The following PATJ variants were observed in gnomAD, a reference collection of about 807,000 sequenced individuals.
The protein encoded by PATJ is PATJ crumbs cell polarity complex component.
PATJ carries 190 observed loss-of-function variants against 224.9 expected under a neutral mutation model. The observed-to-expected ratio is 0.84, with a 90% confidence interval of 0.75 to 0.95. The LOEUF (loss-of-function observed/expected upper bound fraction) is 0.95, where lower values mean the gene tolerates loss of function less well. Ranked by LOEUF, PATJ falls within the 40% of genes least tolerant of loss-of-function variation. The pLI is 0.00. For synonymous variants in PATJ, 769 were observed against 820.3 expected, an observed-to-expected ratio of 0.94 and a Z score of 1.07; for missense variants, 2,121 against 2,270.3, an observed-to-expected ratio of 0.93 and a Z score of 1.34.
At chr1:61,816,980 G>A (rs577809053) in intron 14 of PATJ, among the ~76,000 whole-genome samples, 46 of 152,254 alleles carry the variant, frequency 3.0e-4, no homozygotes, top group Middle Eastern at 6.8e-3. Context: ...GCCTCACTCC[G>A]TAGAGAATTA....
At chr1:61,843,899 A>G (rs1377079484) in intron 17 of PATJ, among the ~76,000 whole-genome samples, 1 of 118,918 alleles carries the variant, frequency 8.4e-6, no homozygotes, top group African/African-American at 2.7e-5. Flanking sequence ...ACGAGCCAGT[A>G]TGGAGACTAT....
intron 31 of PATJ, among the ~76,000 whole-genome samples, chr1:62,057,526 G>A (rs567739439): frequency 1.2e-3 from 186 of 152,298 alleles, no homozygotes; most frequent in African/African-American, 4.1e-3. Flanking sequence ...TGATGCCCTG[G>A]TTGAGAGTTG....
chr1:61,861,160 T>C lies in PATJ; in HGVS notation c.2323-391T>C, dbSNP rs1403716259. On this transcript the variant is annotated intron_variant, in intron 18 of 43. Coordinates refer to ENST00000642238, the MANE Select transcript of PATJ (RefSeq NM_001350145.3). ...GGAAGCTCTGACCTGAATATGGAGT[T>C]CTTTTTAGTTATTAAAGAAAGTTTG... 2.0e-5 allele frequency among the ~76,000 whole-genome samples: 3 copies of C among 151,542 alleles called. No individual in the cohort carries two copies. In the East Asian group the frequency reaches 5.8e-4, roughly 29 times the overall value.
chr1:61,978,516 C>T (rs1423873120), intron 27 of PATJ, among the ~76,000 whole-genome samples: 4 of 151,974 alleles, frequency 2.6e-5, no homozygotes, highest in Admixed American at 6.6e-5. Context: ...CTGCCCGCCT[C>T]GGCCTCCCAA....
intron 12 of PATJ, among the ~76,000 whole-genome samples, chr1:61,803,353 A>C (rs1652928930): frequency 6.6e-6 from 1 of 152,070 alleles, no homozygotes; most frequent in African/African-American, 2.4e-5. Flanking sequence ...TACAATTTGC[A>C]CTCAACTTTT....
chr1:61,912,561 A>T (rs1468892411), intron 25 of PATJ, among the ~76,000 whole-genome samples: 4 of 151,212 alleles, frequency 2.6e-5, no homozygotes, highest in Non-Finnish European at 4.4e-5. Context: ...TGCAGTGGCC[A>T]CTGCACTCCA....
intron 33 of PATJ, among the ~76,000 whole-genome samples, chr1:62,102,945 C>G (rs1294645427): frequency 6.7e-6 from 1 of 150,058 alleles, no homozygotes. Flanking sequence ...ATCATGCTTT[C>G]TGTAGTGCAA....
At chr1:62,152,350 G>C (rs190287876) in intron 42 of PATJ, among the ~76,000 whole-genome samples, 1 of 144,368 alleles carries the variant, frequency 6.9e-6, no homozygotes, top group Non-Finnish European at 1.6e-5. Context: ...TGGCCAGGGC[G>C]TTCCGGCAGA....
intron 5 of PATJ, among the ~76,000 whole-genome samples, chr1:61,770,396 A>G (rs941441152): frequency 3.9e-5 from 6 of 152,162 alleles, no homozygotes; most frequent in African/African-American, 1.4e-4. Flanking sequence ...GTGCTTCAGA[A>G]TCTGACTCCT....
intron 27 of PATJ, among the ~76,000 whole-genome samples, chr1:61,988,897 G>T (rs920828524): frequency 6.6e-6 from 1 of 152,216 alleles, no homozygotes; most frequent in African/African-American, 2.4e-5. Flanking sequence ...GACAGCAAAT[G>T]TAATATAAGT....
intron 27 of PATJ, among the ~76,000 whole-genome samples, chr1:61,951,575 A>T (rs1679688941): frequency 6.6e-6 from 1 of 152,120 alleles, no homozygotes; most frequent in South Asian, 2.1e-4. Context: ...GCACTGTAGC[A>T]CTTTGAGTGA....
intron 10 of PATJ, among the ~76,000 whole-genome samples, chr1:61,795,949 A>C (rs181625811): frequency 6.6e-6 from 1 of 152,212 alleles, no homozygotes; most frequent in Non-Finnish European, 1.5e-5. Context: ...TCTGTTAACA[A>C]TAATTATAAG....
chr1:61,940,349 T>A (rs1677614552), intron 27 of PATJ, among the ~76,000 whole-genome samples: 1 of 152,154 alleles, frequency 6.6e-6, no homozygotes, highest in African/African-American at 2.4e-5. Context: ...CTAGCAGAAG[T>A]GCTAGCTACT....
chr1:62,160,479 T>A (rs1001136852), intron 43 of PATJ, among the ~76,000 whole-genome samples: 27 of 152,212 alleles, frequency 1.8e-4, no homozygotes, highest in South Asian at 1.2e-3. Flanking sequence ...ACAGTGCTGA[T>A]AGCTTAATAA....
intron 6 of PATJ, 103 bp from the exon 7 acceptor site, chr1:61,775,103 T>G: frequency 8.3e-7 from 1 of 1,206,584 alleles, no homozygotes; most frequent in Non-Finnish European, 1.1e-6. Flanking sequence ...GCATGAATGT[T>G]CAATTTGTTG....
rs1024487528 is a variant in PATJ, at chr1:62,018,922, C to T, written c.3959+975C>T. 6.6e-6 allele frequency among the ~76,000 whole-genome samples: 1 copy of T among 152,090 alleles called. No individual in the cohort carries two copies. The highest frequency in any genetic ancestry group is 2.4e-5 in the African/African-American group (1 of 41,424). ...GGGCACTAACGTGATTGAAATATCC[C>T]TTCCCACTTCTACTTTGCTCCTGAA... On this transcript the variant is annotated intron_variant, in intron 29 of 43. Transcript: ENST00000642238. This position sits in a 1 kb window ranked among gnomAD's most constrained non-coding sequence, Gnocchi z 4.2.
chr1:61,935,958 A>G (rs1676800037), intron 27 of PATJ, among the ~76,000 whole-genome samples: 1 of 152,140 alleles, frequency 6.6e-6, no homozygotes, highest in Admixed American at 6.6e-5. Flanking sequence ...CAATTCTGTT[A>G]CTCAGAGTCA....
At chr1:62,155,692 T>TTA (rs371663591) in intron 43 of PATJ, among the ~76,000 whole-genome samples, 1 of 140,628 alleles carries the variant, frequency 7.1e-6, no homozygotes, top group Admixed American at 7.2e-5. Context: ...GCTCTGAATT[T>TTA]AAAAAAAAAA....
chr1:61,900,745 A>G (rs1671039380), intron 23 of PATJ, among the ~76,000 whole-genome samples: 1 of 151,964 alleles, frequency 6.6e-6, no homozygotes, highest in Non-Finnish European at 1.5e-5. Flanking sequence ...GCCCGCCACT[A>G]CGCCCGGCTA....
Sources: allele counts gnomAD v4.1 joint callset (sites outside exome capture counted in the v4.1 genomes callset), GRCh38; gene constraint gnomAD v4.1.1; non-coding constraint Gnocchi (gnomAD v3.1); transcripts MANE v1.5; gene names NCBI Gene and HGNC (gene_info 2026-07-23, HGNC 2026-07-21).